Variants in SLC9A2 observed in about 807,000 individuals in gnomAD.
SLC9A2 encodes the protein solute carrier family 9 member A2.
Under a neutral mutation model 71.7 loss-of-function variants are expected in SLC9A2, and 42 were observed. The ratio of observed to expected loss-of-function variants is 0.59; its 90% CI spans 0.46 to 0.76. The LOEUF is 0.76. SLC9A2 is among the 30% of genes least tolerant of loss of function. The pLI is 0.00. For missense variants in SLC9A2, 829 were observed against 1,017.4 expected, an observed-to-expected ratio of 0.81 and a Z score of 2.52; for synonymous variants, 396 against 392.5, an observed-to-expected ratio of 1.01 and a Z score of -0.10.
chr2:102,691,518 C>T (rs1677661640), intron 5 of SLC9A2, among the ~76,000 whole-genome samples: 2 of 152,038 alleles, frequency 1.3e-5, no homozygotes, highest in African/African-American at 2.4e-5. Context: ...TATACTCTGC[C>T]TGCAAAATAG....
chr2:102,706,916 T>C (rs1677990492), intron 11 of SLC9A2, among the ~76,000 whole-genome samples: 1 of 152,256 alleles, frequency 6.6e-6, no homozygotes, highest in Admixed American at 6.5e-5. Flanking sequence ...CCGAAGCCAT[T>C]GTCTGTGAAC....
chr2:102,648,723 T>G (rs1215653379), intron 1 of SLC9A2, among the ~76,000 whole-genome samples: 3 of 152,106 alleles, frequency 2.0e-5, no homozygotes, highest in African/African-American at 7.2e-5. Context: ...ATGAGTGAAC[T>G]CCCATTCACA....
chr2:102,621,703 G>A (rs1266769604), intron 1 of SLC9A2, among the ~76,000 whole-genome samples: 1 of 152,182 alleles, frequency 6.6e-6, no homozygotes, highest in Admixed American at 6.5e-5. Flanking sequence ...GGAGAGACGT[G>A]TACACGCTGT....
In SLC9A2 at chr2:102,657,830, G is replaced by T. The variant is rs1227712641; in HGVS notation, c.556G>T (p.Val186Leu). ...GTLWNSIGIG[V>L]SLFGICQIEA... ...ACTTTGGAATTCCATTGGCATTGGGGTGTCTTTGTTTGGTATCTGCCAGAT... is the reference window on the plus strand; with the variant it reads ...ACTTTGGAATTCCATTGGCATTGGGTTGTCTTTGTTTGGTATCTGCCAGAT... The change falls in exon 2 of 12, where the codon GTG (valine) becomes TTG (leucine). Residue 186 changes from valine (V) to leucine (L), a missense_variant. Around this residue, in one of 3 missense-constraint regions of SLC9A2, gnomAD observed 500 missense variants for 726.3 expected, o/e 0.69. Transcript: ENST00000233969. 2 of 1,614,210 alleles carry T rather than the reference G, an allele frequency of 1.2e-6. No homozygotes were observed. Among genetic ancestry groups the T allele is most frequent in the East Asian group, 2.2e-5 (1 of 44,892 alleles).
Position 102,704,640 on chromosome 2 carries a change from A to G in SLC9A2, c.1942A>G (p.Ile648Val). 1.2e-6 allele frequency: 2 copies of G among 1,613,408 alleles called. No homozygotes were observed. Among genetic ancestry groups the G allele is most frequent in the Non-Finnish European group, 1.7e-6 (2 of 1,179,524 alleles). ...CCGGCGACACAGTTTGCGAGAAAGC[A>G]TTAGGAAGGACAGCAGCTTGAATCG... ...IRRRHSLRES[I>V]RKDSSLNREH... Residue 648 changes from isoleucine (I) to valine (V), a missense_variant, in exon 10 of 12, where the codon ATT (isoleucine) becomes GTT (valine). Ile to Val is a conservative substitution (Grantham distance 29). Transcript: ENST00000233969.
chr2:102,658,867 A>G (rs1223150891), intron 2 of SLC9A2, among the ~76,000 whole-genome samples: 1 of 152,108 alleles, frequency 6.6e-6, no homozygotes, highest in Non-Finnish European at 1.5e-5. Context: ...CAATTGATAA[A>G]TCAGTTAGGG....
At position 102,682,854 on chromosome 2, in the gene SLC9A2, C is replaced by G. The variant is rs146138196; in HGVS notation, c.1005-407C>G. Among the ~76,000 whole-genome samples, 3 of 152,064 alleles carry G rather than the reference C, an allele frequency of 2.0e-5. No homozygotes were observed. In the East Asian group the frequency reaches 5.8e-4, roughly 29 times the overall value. ...AGTTTAGGATTTTATACAATAGAAT[C>G]CTTTTAGATAATAGAGGAACAGGGC... On this transcript the variant is annotated intron_variant, in intron 3 of 11. Coordinates refer to ENST00000233969, the MANE Select transcript of SLC9A2 (RefSeq NM_003048.6).
At chr2:102,681,837 C>T (rs1048597878) in intron 3 of SLC9A2, among the ~76,000 whole-genome samples, 21 of 152,148 alleles carry the variant, frequency 1.4e-4, no homozygotes, top group African/African-American at 5.1e-4. Context: ...AACATACCTG[C>T]CTTTGTTTTC....
chr2:102,680,742 T>C (rs143582396), intron 3 of SLC9A2, among the ~76,000 whole-genome samples: 6 of 152,286 alleles, frequency 3.9e-5, no homozygotes, highest in Admixed American at 6.5e-5. Context: ...CAAAGAGACT[T>C]TGTGGATGTG....
At chr2:102,665,696 C>T (rs561968713) in intron 3 of SLC9A2, among the ~76,000 whole-genome samples, 1 of 134,864 alleles carries the variant, frequency 7.4e-6, no homozygotes, top group African/African-American at 2.7e-5. Flanking sequence ...ATGGCATGAA[C>T]CCGGGAGGCG....
At chr2:102,688,730 A>C (rs529204366) in intron 5 of SLC9A2, among the ~76,000 whole-genome samples, 1 of 151,396 alleles carries the variant, frequency 6.6e-6, no homozygotes, top group Admixed American at 6.5e-5. Flanking sequence ...CTGTCTCAAA[A>C]CAAACAAACA....
In SLC9A2 at chr2:102,683,406, G is replaced by A. The variant is rs374484897; in HGVS notation, c.1150G>A (p.Gly384Ser). ...IFIFMGVSTVGKNHEWNWAFV... is the reference protein window; with the variant it reads ...IFIFMGVSTVSKNHEWNWAFV... ...CATCTTCATGGGTGTGTCTACCGTG[G>A]GCAAGAACCACGAGTGGAACTGGGC... Residue 384 changes from glycine to serine, a missense_variant, in exon 4 of 12, where the codon GGC (glycine) becomes AGC (serine). Gly to Ser is a moderately conservative substitution (Grantham distance 56, BLOSUM62 0). Transcript: ENST00000233969. The A allele has an allele frequency of 6.2e-7, 1 of 1,614,170 alleles. No homozygotes were observed. Among genetic ancestry groups the A allele is most frequent in the Admixed American group, 1.7e-5 (1 of 60,030 alleles).
At chr2:102,663,115 C>T (rs978449512) in intron 2 of SLC9A2, among the ~76,000 whole-genome samples, 5 of 152,162 alleles carry the variant, frequency 3.3e-5, no homozygotes, top group South Asian at 2.1e-4. Context: ...CGATGAAAAC[C>T]GATGCTGACA....
chr2:102,659,141 G>A (rs143008722), intron 2 of SLC9A2, among the ~76,000 whole-genome samples: 148 of 152,140 alleles, frequency 9.7e-4, no homozygotes, highest in African/African-American at 3.3e-3. Flanking sequence ...ATAGTAGGCC[G>A]GGTGCAGAGG....
rs1558719302 is a variant in SLC9A2 at position 102,684,117 on chromosome 2, GT to G, written c.1223-13del. 1.2e-6 allele frequency: 2 copies of G among 1,609,076 alleles called. No individual in the cohort carries two copies. The highest frequency in any genetic ancestry group is 3.3e-5 in the Admixed American group (2 of 59,900). The stretch of plus-strand genomic sequence containing the variant: ...CCTCACCCAGTCTGTTTCCTCTTGG[GT>G]TTTCTTTCTTTGCAGGTGTTTTTGT... On this transcript the variant is annotated splice_polypyrimidine_tract_variant and intron_variant, in intron 4 of 11. Coordinates refer to ENST00000233969, the MANE Select transcript of SLC9A2 (RefSeq NM_003048.6).
At chr2:102,623,123 T>A (rs1469104395) in intron 1 of SLC9A2, among the ~76,000 whole-genome samples, 1 of 152,202 alleles carries the variant, frequency 6.6e-6, no homozygotes, top group Non-Finnish European at 1.5e-5. Context: ...CAGTTTCGGC[T>A]TTCCCCTGCA....
intron 3 of SLC9A2, among the ~76,000 whole-genome samples, chr2:102,669,634 C>G (rs1185009865): frequency 6.6e-6 from 1 of 152,184 alleles, no homozygotes; most frequent in Non-Finnish European, 1.5e-5. Context: ...TTTAGAAATT[C>G]TTGCCTTGAC....
intron 1 of SLC9A2, among the ~76,000 whole-genome samples, chr2:102,653,262 G>A (rs1025268094): frequency 6.6e-6 from 1 of 152,140 alleles, no homozygotes; most frequent in Non-Finnish European, 1.5e-5. Context: ...GGGTCATTCA[G>A]GCCAATTCTG....
chr2:102,632,061 C>CACACATATAT (rs1558701352), intron 1 of SLC9A2, among the ~76,000 whole-genome samples: 2 of 69,090 alleles, frequency 2.9e-5, no homozygotes, highest in Admixed American at 1.7e-4. Context: ...CATATATATA[C>CACACATATAT]ACACACATAT....
Sources: allele counts gnomAD v4.1 joint callset (sites outside exome capture counted in the v4.1 genomes callset), GRCh38; gene constraint gnomAD v4.1.1; regional missense constraint gnomAD v4.1.1; transcripts MANE v1.5; gene names NCBI Gene and HGNC (gene_info 2026-07-23, HGNC 2026-07-21).